PPWD1: variants seen among roughly 807,000 people sequenced by gnomAD.
PPWD1 encodes the protein peptidylprolyl isomerase domain and WD repeat-containing protein 1.
Under a neutral mutation model 68.8 loss-of-function variants are expected in PPWD1, and 43 were observed. That is an observed-to-expected ratio of 0.62 (90% confidence interval 0.49 to 0.81). PPWD1 has a LOEUF of 0.81. Ranked by LOEUF, PPWD1 falls within the 30% of genes least tolerant of loss-of-function variation. The pLI, the probability that PPWD1 is intolerant of heterozygous loss-of-function variation, is 0.00. For missense variants in PPWD1, 672 were observed against 804.8 expected (o/e 0.83, Z 2.00); for synonymous variants, 232 against 258.7 (o/e 0.90, Z 0.99).
Position 65,581,402 on chromosome 5 carries a change from T to C in PPWD1, c.1351-1636T>C, listed in dbSNP as rs184933465. ...AGGACCAAGACCTGCCTGGGCAACATAGCAAGACCTCATCTCTACAAAAAA... is the reference window on the plus strand; with the variant it reads ...AGGACCAAGACCTGCCTGGGCAACACAGCAAGACCTCATCTCTACAAAAAA... On this transcript the variant is annotated intron_variant, in intron 7 of 10. Transcript: ENST00000261308. Among the ~76,000 whole-genome samples the C allele has an allele frequency of 2.6e-5, 4 of 152,194 alleles. No homozygotes were observed. In the East Asian group the frequency reaches 7.8e-4, roughly 30 times the overall value.
Position 65,587,262 on chromosome 5 carries a change from GATA to G in PPWD1, c.1812_1814del (p.Asn604del). 1 of 1,607,724 alleles carries G rather than the reference GATA, an allele frequency of 6.2e-7. No homozygotes were observed. The highest frequency in any genetic ancestry group is 2.2e-5 in the East Asian group (1 of 44,706). Reference sequence around the variant, plus strand: ...TTGTCCTCCAACACAGCCTTGGCTTGATAATAAGCATACAGTATTTGGACGAGT... The same window carrying G: ...TTGTCCTCCAACACAGCCTTGGCTTGATAAGCATACAGTATTTGGACGAGT... On this transcript the variant is annotated inframe_deletion, in exon 11 of 11. Coordinates refer to ENST00000261308, the MANE Select transcript of PPWD1 (RefSeq NM_015342.4).
At chr5:65,567,818 A>G in intron 2 of PPWD1, 1 of 974,626 alleles carries the variant, frequency 1.0e-6, no homozygotes, top group Non-Finnish European at 1.3e-6. Flanking sequence ...GTTTATATGT[A>G]TGTCTTTGGA....
intron 5 of PPWD1, among the ~76,000 whole-genome samples, chr5:65,572,517 G>A (rs1454005456): frequency 1.3e-5 from 2 of 152,048 alleles, no homozygotes; most frequent in African/African-American, 4.8e-5. Context: ...TATTTTTGTG[G>A]TTATTTTGTT....
chr5:65,567,626 C>A lies in PPWD1; in HGVS notation c.299+11C>A. 3 of 1,560,748 alleles carry A rather than the reference C, an allele frequency of 1.9e-6. No individual in the cohort carries two copies. Among genetic ancestry groups the A allele is most frequent in the Admixed American group, 1.9e-5 (1 of 53,660 alleles). ...TGTGGTATGCACCAAGTAAGTCTAT[C>A]ACATCTTTTTTACTTTGTTCTGAGT... is the stretch of plus-strand genomic sequence containing the variant. On this transcript the variant is annotated intron_variant, in intron 2 of 10. Transcript: ENST00000261308.
At position 65,563,500 on chromosome 5, in the gene PPWD1, A is replaced by G; in HGVS notation, c.190A>G (p.Arg64Gly). Residue 64 changes from arginine (R) to glycine (G), a missense_variant, in exon 1 of 11, where the codon AGG (arginine) becomes GGG (glycine). Around this residue, in one of 2 missense-constraint regions of PPWD1, gnomAD observed 188 missense variants for 158.6 expected, o/e 1.19. Coordinates refer to ENST00000261308, the MANE Select transcript of PPWD1 (RefSeq NM_015342.4). Reference protein sequence around the residue: ...LPVEATLAKKRKVLEFERVYL... With the variant: ...LPVEATLAKKGKVLEFERVYL... The stretch of plus-strand genomic sequence containing the variant: ...TGTGGAGGCAACACTGGCCAAGAAG[A>G]GGAAAGGTAGCTGCAGACATAGTAC... The G allele has an allele frequency of 6.2e-7, 1 of 1,611,648 alleles. No individual in the cohort carries two copies. Among genetic ancestry groups the G allele is most frequent in the Non-Finnish European group, 8.5e-7 (1 of 1,179,074 alleles).
intron 1 of PPWD1, among the ~76,000 whole-genome samples, chr5:65,565,491 G>C (rs1168607764): frequency 6.6e-6 from 1 of 151,908 alleles, no homozygotes; most frequent in African/African-American, 2.4e-5. Flanking sequence ...CTCTTAATCA[G>C]TTATTTATTG....
At chr5:65,580,837 T>A (rs1408077546) in intron 7 of PPWD1, among the ~76,000 whole-genome samples, 1 of 152,098 alleles carries the variant, frequency 6.6e-6, no homozygotes, top group Admixed American at 6.5e-5. Context: ...TAACATCAAG[T>A]CTGAGTTAGA....
chr5:65,580,115 T>TAG (rs1753528689), intron 7 of PPWD1, among the ~76,000 whole-genome samples: 1 of 152,202 alleles, frequency 6.6e-6, no homozygotes, highest in Admixed American at 6.5e-5. Flanking sequence ...CTTTGCATGT[T>TAG]AACTAAGACT....
rs558713492 is a variant in PPWD1 at position 65,567,207 on chromosome 5, T to C, written c.197-306T>C. The stretch of plus-strand genomic sequence containing the variant: ...TTTTTCTTTCTTTTTTCTTTTCTTT[T>C]TTTTTAATAGAACATTCACATTAAG... On this transcript the variant is annotated intron_variant, in intron 1 of 10. Coordinates refer to ENST00000261308, the MANE Select transcript of PPWD1 (RefSeq NM_015342.4). 4.6e-5 allele frequency among the ~76,000 whole-genome samples: 7 copies of C among 152,232 alleles called. No homozygotes were observed. In the South Asian group the frequency reaches 1.2e-3, roughly 27 times the overall value.
At position 65,577,075 on chromosome 5, in the gene PPWD1, C is replaced by T. The variant is rs761712146; in HGVS notation, c.1160+6C>T. 1.9e-6 allele frequency: 3 copies of T among 1,604,220 alleles called. No homozygotes were observed. The highest frequency in any genetic ancestry group is 2.6e-6 in the Non-Finnish European group (3 of 1,173,082). ...ATAAATGTAGAGACAAACCGGTAAG[C>T]TTTAATATGAGGTATGTTTTTTAAA... On this transcript the variant is annotated splice_donor_region_variant and intron_variant, in intron 6 of 10. Transcript: ENST00000261308.
intron 2 of PPWD1, among the ~76,000 whole-genome samples, chr5:65,568,652 T>C (rs1752877517): frequency 6.6e-6 from 1 of 152,116 alleles, no homozygotes; most frequent in Non-Finnish European, 1.5e-5. Flanking sequence ...GTGGCTTGGA[T>C]GATACTAGCA....
chr5:65,580,106 T>C (rs925465227), intron 7 of PPWD1, among the ~76,000 whole-genome samples: 1 of 152,194 alleles, frequency 6.6e-6, no homozygotes, highest in Non-Finnish European at 1.5e-5. Context: ...CTAAAAGTAC[T>C]TTGCATGTTA....
chr5:65,586,460 ATAAAT>A (rs1753854439), intron 10 of PPWD1, among the ~76,000 whole-genome samples: 1 of 152,196 alleles, frequency 6.6e-6, no homozygotes, highest in African/African-American at 2.4e-5. Flanking sequence ...GTAACCTAAA[ATAAAT>A]TATTTCACTT....
At position 65,580,250 on chromosome 5, in the gene PPWD1, G is replaced by C. The variant is rs529868113; in HGVS notation, c.1350+637G>C. Among the ~76,000 whole-genome samples, 11 of 152,274 alleles carry C rather than the reference G, an allele frequency of 7.2e-5. No homozygotes were observed. The South Asian group carries it at 2.3e-3, about 32-fold the overall frequency. On this transcript the variant is annotated intron_variant, in intron 7 of 10. Transcript: ENST00000261308. ...CATTCTATCCTTCACAATGGAATCA[G>C]AGAACTTTTTAAGACCCAAACGTGA... is the stretch of plus-strand genomic sequence containing the variant.
intron 6 of PPWD1, among the ~76,000 whole-genome samples, chr5:65,578,843 T>A (rs968076585): frequency 6.7e-6 from 1 of 149,416 alleles, no homozygotes; most frequent in African/African-American, 2.5e-5. Flanking sequence ...AAGAGTTTTT[T>A]ATATATTTTG....
chr5:65,583,714 T>G (rs1753698403), intron 8 of PPWD1, among the ~76,000 whole-genome samples: 1 of 152,146 alleles, frequency 6.6e-6, no homozygotes, highest in Non-Finnish European at 1.5e-5. Flanking sequence ...TTCAGGAGGT[T>G]AAGACAGGAA....
At position 65,576,908 on chromosome 5, in the gene PPWD1, A is replaced by G. The variant is rs749843216; in HGVS notation, c.999A>G (p.Gln333=). The G allele has an allele frequency of 1.5e-5, 24 of 1,614,032 alleles. No homozygotes were observed. Among genetic ancestry groups the G allele is most frequent in the Non-Finnish European group, 1.5e-5 (18 of 1,179,998 alleles). ...SMFTELQQMR[Q]QLPDMEFGRR... ...TTACTGAACTGCAACAGATGAGGCAACAGTTACCAGACATGGAATTTGGCC... is the reference window on the plus strand; with the variant it reads ...TTACTGAACTGCAACAGATGAGGCAGCAGTTACCAGACATGGAATTTGGCC... The change falls in exon 6 of 11, where the codon CAA becomes CAG. Residue 333 remains glutamine (Q), a synonymous_variant. Coordinates refer to ENST00000261308, the MANE Select transcript of PPWD1 (RefSeq NM_015342.4).
At chr5:65,579,103 G>A (rs904129927) in intron 6 of PPWD1, among the ~76,000 whole-genome samples, 8 of 151,862 alleles carry the variant, frequency 5.3e-5, no homozygotes, top group Non-Finnish European at 1.2e-4. Flanking sequence ...TTTTAATGGC[G>A]ATGGGGTTTC....
chr5:65,563,584 GGGA>G, intron 1 of PPWD1, 78 bp downstream of exon 1: 1 of 1,492,580 alleles, frequency 6.7e-7, no homozygotes, highest in Non-Finnish European at 9.0e-7. Flanking sequence ...GATCCGAAGA[GGGA>G]TGATGTGTGG....
Sources: allele counts gnomAD v4.1 joint callset (sites outside exome capture counted in the v4.1 genomes callset), GRCh38; gene constraint gnomAD v4.1.1; regional missense constraint gnomAD v4.1.1; transcripts MANE v1.5; gene names NCBI Gene and HGNC (gene_info 2026-07-23, HGNC 2026-07-21).